Variants in RBFOX3 observed in about 807,000 individuals in gnomAD.
RBFOX3 encodes RNA binding protein fox-1 homolog 3.
RBFOX3 carries 17 observed loss-of-function variants against 48.7 expected under a neutral mutation model. That is an observed-to-expected ratio of 0.35 (90% CI 0.24 to 0.52). RBFOX3 has a LOEUF of 0.52. Ranked by LOEUF, RBFOX3 falls within the 20% of genes least tolerant of loss-of-function variation. RBFOX3 has a pLI of 0.94. For synonymous variants in RBFOX3, 212 were observed against 209.5 expected, an observed-to-expected ratio of 1.01 and a Z score of -0.10; for missense variants, 382 against 497.5, an observed-to-expected ratio of 0.77 and a Z score of 2.21.
intron 4 of RBFOX3, among the ~76,000 whole-genome samples, chr17:79,213,082 C>A (rs2058587718): frequency 6.6e-6 from 1 of 152,098 alleles, no homozygotes; most frequent in African/African-American, 2.4e-5. Flanking sequence ...GTCATGAACT[C>A]CTGACCTCAA....
rs1402011202 is a variant in RBFOX3, at chr17:79,580,505, TC to T, written c.-320+30320del. Among the ~76,000 whole-genome samples the T allele has an allele frequency of 2.0e-4, 30 of 152,154 alleles. No individual in the cohort carries two copies. The South Asian group carries it at 2.9e-3, about 15-fold the overall frequency. On this transcript the variant is annotated intron_variant, in intron 1 of 14. Coordinates refer to ENST00000693108, the MANE Select transcript of RBFOX3 (RefSeq NM_001350451.2). ...CATCACTCTGGGCATAGACGACTGT[TC>T]AGCGGTGCTCAGTGAATTAAACCAT...
rs1316811845 is a variant in RBFOX3 at position 79,252,154 on chromosome 17, T to A, written c.-73-16349A>T. ...GGCCCTTCCTCCTGCCTTTGCCTAG[T>A]GGGTAACTGGGCATTGCAGGGCCCC... On this transcript the variant is annotated intron_variant, in intron 3 of 14. Transcript: ENST00000693108. This position sits in a 1 kb window ranked among gnomAD's most constrained non-coding sequence, Gnocchi z 4.0. Among the ~76,000 whole-genome samples, 3 of 152,190 alleles carry A rather than the reference T, an allele frequency of 2.0e-5. No homozygotes were observed. The highest frequency in any genetic ancestry group is 1.3e-4 in the Admixed American group (2 of 15,284).
chr17:79,184,228 C>T (rs1174041754), intron 4 of RBFOX3, among the ~76,000 whole-genome samples: 1 of 152,184 alleles, frequency 6.6e-6, no homozygotes, highest in Non-Finnish European at 1.5e-5. Flanking sequence ...TCCTGCTGGC[C>T]CCCAGACCCC....
intron 2 of RBFOX3, among the ~76,000 whole-genome samples, chr17:79,394,010 ACAT>A (rs1437045724): frequency 1.3e-5 from 2 of 151,596 alleles, no homozygotes; most frequent in East Asian, 3.9e-4. Flanking sequence ...GTCCCCGTGC[ACAT>A]CATCTGAACT....
At chr17:79,325,450 G>T (rs576130257) in intron 2 of RBFOX3, among the ~76,000 whole-genome samples, 3 of 152,116 alleles carry the variant, frequency 2.0e-5, no homozygotes, top group Non-Finnish European at 4.4e-5. Flanking sequence ...ATCCCTAAAT[G>T]TCAACTACCC....
At chr17:79,651,715 C>T in the RBFOX3 span, among the ~76,000 whole-genome samples, 1 of 89,770 alleles carries the variant, frequency 1.1e-5, no homozygotes, top group Non-Finnish European at 2.6e-5. Context: ...CCCTCCCTGT[C>T]TCTCTTTCCC....
At chr17:79,484,098 G>T (rs2079167295) in intron 1 of RBFOX3, among the ~76,000 whole-genome samples, 2 of 152,196 alleles carry the variant, frequency 1.3e-5, no homozygotes, top group Admixed American at 6.5e-5. Flanking sequence ...GATCAGGGTG[G>T]CCAGGGAGTG....
intron 1 of RBFOX3, among the ~76,000 whole-genome samples, chr17:79,563,690 G>A (rs1400556461): frequency 2.0e-5 from 3 of 151,960 alleles, no homozygotes; most frequent in Admixed American, 2.0e-4. Context: ...CTTTTTTCTT[G>A]GCACATTCTT....
At chr17:79,223,315 GCACACAGCTGCATGTGTATCTGCACACA>G (rs2059943768) in intron 4 of RBFOX3, among the ~76,000 whole-genome samples, 1 of 151,902 alleles carries the variant, frequency 6.6e-6, no homozygotes, top group South Asian at 2.1e-4. Context: ...CCCTGCACAC[GCACACAGCTGCATGTGTATCTGCACACA>G]CACACATGCA....
chr17:79,554,711 C>T (rs1302429949), intron 1 of RBFOX3, among the ~76,000 whole-genome samples: 1 of 152,248 alleles, frequency 6.6e-6, no homozygotes, highest in Non-Finnish European at 1.5e-5. Flanking sequence ...GGAAAAATTA[C>T]AGGGTGGATA....
chr17:79,308,337 G>C (rs2076365251), intron 2 of RBFOX3, among the ~76,000 whole-genome samples: 1 of 152,222 alleles, frequency 6.6e-6, no homozygotes, highest in Non-Finnish European at 1.5e-5. Flanking sequence ...TTGCAGCCTA[G>C]CTAGGCCCTC....
intron 4 of RBFOX3, among the ~76,000 whole-genome samples, chr17:79,147,908 A>G (rs577044123): frequency 8.5e-4 from 130 of 152,350 alleles, no homozygotes; most frequent in African/African-American, 3.0e-3. Flanking sequence ...TACTCCCTGA[A>G]AAGGAATTGA....
At chr17:79,445,964 T>C (rs1418901352) in intron 2 of RBFOX3, among the ~76,000 whole-genome samples, 2 of 152,170 alleles carry the variant, frequency 1.3e-5, no homozygotes, top group African/African-American at 4.8e-5. Flanking sequence ...GTCACAGCTG[T>C]GGCTGGGGGT....
chr17:79,115,706 G>GC lies in RBFOX3; in HGVS notation c.9dup (p.Pro4AlafsTer130). On this transcript the variant is annotated frameshift_variant, in exon 5 of 15. Transcript: ENST00000693108. LOFTEE classifies it high-confidence loss of function. ...GGGGGGTACTGGGCGGGGGGGTAGG[G>GC]CTGGGCCATCGCTTCAGGCGGAGCC... 1.6e-6 allele frequency: 1 copy of GC among 626,080 alleles called. No homozygotes were observed. Among genetic ancestry groups the GC allele is most frequent in the Non-Finnish European group, 2.8e-6 (1 of 356,296 alleles). The allele number at this position is 626,080 out of a possible 1,614,324, so 38.8% of individuals were successfully genotyped here.
chr17:79,463,122 TCGCCAC>T (rs1366101089), intron 2 of RBFOX3, among the ~76,000 whole-genome samples: 1 of 27,092 alleles, frequency 3.7e-5, no homozygotes, highest in Non-Finnish European at 7.7e-5. Context: ...GCCACTGCCA[TCGCCAC>T]CGCCACTGCC....
At chr17:79,548,279 ACTGGGGTCTCGGGCCTGAGGCTGCC>A (rs1283842175) in intron 1 of RBFOX3, among the ~76,000 whole-genome samples, 5 of 152,150 alleles carry the variant, frequency 3.3e-5, no homozygotes, top group Non-Finnish European at 7.4e-5. Flanking sequence ...CCACCAGAGC[ACTGGGGTCTCGGGCCTGAGGCTGCC>A]CTCTCTGGAC....
chr17:79,138,790 CGCCCCCTT>C (rs2041103476), intron 4 of RBFOX3, among the ~76,000 whole-genome samples: 2 of 46,356 alleles, frequency 4.3e-5, no homozygotes, highest in African/African-American at 1.5e-4. Flanking sequence ...CATGCCTTCA[CGCCCCCTT>C]ACCCACACAC....
chr17:79,243,168 T>C lies in RBFOX3; in HGVS notation c.-73-7363A>G, dbSNP rs976183727. 4.1e-5 allele frequency among the ~76,000 whole-genome samples: 6 copies of C among 148,022 alleles called. No individual in the cohort carries two copies. The East Asian group carries it at 1.2e-3, about 30-fold the overall frequency. ...GGGAAGTGAAGCAGATTGCCCTAAA[T>C]GCCACAGCTGGTAGCGGTTGCAGCT... On this transcript the variant is annotated intron_variant, in intron 3 of 14. Transcript: ENST00000693108. This position sits in a 1 kb window ranked among gnomAD's most constrained non-coding sequence, Gnocchi z 7.9.
At chr17:79,399,608 C>T (rs559386559) in intron 2 of RBFOX3, among the ~76,000 whole-genome samples, 5 of 151,044 alleles carry the variant, frequency 3.3e-5, no homozygotes, top group African/African-American at 1.2e-4. Context: ...TCCCAGCAGT[C>T]ACAAAGGAGA....
Sources: allele counts gnomAD v4.1 joint callset (sites outside exome capture counted in the v4.1 genomes callset), GRCh38; gene constraint gnomAD v4.1.1; non-coding constraint Gnocchi (gnomAD v3.1); transcripts MANE v1.5; gene names NCBI Gene and HGNC (gene_info 2026-07-23, HGNC 2026-07-21).